Variants in ADGRG6 observed in about 807,000 individuals in gnomAD.
ADGRG6 encodes adhesion G protein-coupled receptor G6.
In ADGRG6, 84 loss-of-function variants were observed where a neutral mutation model predicts 142.4. That is an observed-to-expected ratio of 0.59 (90% confidence interval 0.49 to 0.71). ADGRG6 has a LOEUF of 0.71. Among genes scored for constraint, ADGRG6 ranks in the 30% least tolerant of loss-of-function variants. The probability of loss-of-function intolerance (pLI) is 0.00; values close to 1 mark genes in which losing one functional copy is unlikely to be tolerated. For missense variants in ADGRG6, 1,367 were observed against 1,466.6 expected, an observed-to-expected ratio of 0.93 and a Z score of 1.11; for synonymous variants, 521 against 520.5, an observed-to-expected ratio of 1.00 and a Z score of -0.01.
At chr6:142,306,324 A>G (rs926854029) in intron 1 of ADGRG6, among the ~76,000 whole-genome samples, 5 of 152,284 alleles carry the variant, frequency 3.3e-5, no homozygotes, top group African/African-American at 1.2e-4. Flanking sequence ...AATTCTGTAG[A>G]AGGGTTACAT....
intron 1 of ADGRG6, among the ~76,000 whole-genome samples, chr6:142,304,577 A>G (rs1777392253): frequency 6.6e-6 from 1 of 152,212 alleles, no homozygotes; most frequent in Non-Finnish European, 1.5e-5. Context: ...GTCTGGAAAT[A>G]ATGATTTGAA....
intron 11 of ADGRG6, 116 bp from the exon 12 acceptor site, chr6:142,401,878 A>G: frequency 1.8e-6 from 1 of 562,578 alleles, no homozygotes. Flanking sequence ...TCTTAAAGGG[A>G]AGCTTGTCCA....
At chr6:142,354,263 C>G (rs987798130) in intron 2 of ADGRG6, among the ~76,000 whole-genome samples, 1 of 152,136 alleles carries the variant, frequency 6.6e-6, no homozygotes, top group Non-Finnish European at 1.5e-5. Context: ...CCTGTAATCC[C>G]GGCTACTCAG....
intron 4 of ADGRG6, among the ~76,000 whole-genome samples, chr6:142,381,194 C>T (rs1781753871): frequency 6.6e-6 from 1 of 152,154 alleles, no homozygotes; most frequent in South Asian, 2.1e-4. Flanking sequence ...TAGAATAAAA[C>T]CACTATTATA....
chr6:142,346,703 G>T (rs1020600845), intron 2 of ADGRG6, among the ~76,000 whole-genome samples: 2 of 152,064 alleles, frequency 1.3e-5, no homozygotes, highest in Non-Finnish European at 2.9e-5. Flanking sequence ...TCATAAAAAA[G>T]AACGAGTTCA....
At position 142,403,858 on chromosome 6, in the gene ADGRG6, A is replaced by T. The variant is rs1378237396; in HGVS notation, c.2012A>T (p.His671Leu). ...AAGATAGACCTAAATAGCACATCAC[A>T]TGTGAATATTACAACTCGGAACTTG... Reference protein sequence around the residue: ...AFKIDLNSTSHVNITTRNLAL... With the variant: ...AFKIDLNSTSLVNITTRNLAL... Residue 671 changes from histidine (H) to leucine (L), a missense_variant, in exon 14 of 25, where the codon CAT becomes CTT. Around this residue, in one of 3 missense-constraint regions of ADGRG6, gnomAD observed 286 missense variants for 371.4 expected, o/e 0.77. Coordinates refer to ENST00000367609, the MANE Select transcript of ADGRG6 (RefSeq NM_198569.3). 6.2e-7 allele frequency: 1 copy of T among 1,609,892 alleles called. No homozygotes were observed.
At chr6:142,408,566 A>G (rs1190551024) in intron 16 of ADGRG6, among the ~76,000 whole-genome samples, 1 of 152,204 alleles carries the variant, frequency 6.6e-6, no homozygotes, top group East Asian at 1.9e-4. Context: ...ATGCAGATGT[A>G]GTTGCACAAT....
At chr6:142,405,554 T>C (rs1583103737) in intron 14 of ADGRG6, 134 bp from the exon 15 acceptor site, 1 of 717,154 alleles carries the variant, frequency 1.4e-6, no homozygotes, top group Non-Finnish European at 2.5e-6. Context: ...GTGACTACTG[T>C]AGATACAAAG....
chr6:142,308,837 T>G (rs1343618448), intron 1 of ADGRG6, among the ~76,000 whole-genome samples: 1 of 151,896 alleles, frequency 6.6e-6, no homozygotes, highest in Non-Finnish European at 1.5e-5. Flanking sequence ...TGTTGCTTTC[T>G]AAATCATTAT....
In ADGRG6 at chr6:142,415,886, G is replaced by T; in HGVS notation, c.2760G>T (p.Trp920Cys). Residue 920 changes from tryptophan (W) to cysteine (C), a missense_variant, in exon 20 of 25, where the codon TGG (tryptophan) becomes TGT (cysteine). Trp to Cys is a radical substitution (Grantham distance 215). Transcript: ENST00000367609. ...FLNLLFLLDGWITSFNVDGLC... is the reference protein window; with the variant it reads ...FLNLLFLLDGCITSFNVDGLC... The stretch of plus-strand genomic sequence containing the variant: ...ATCTCCTCTTCCTCCTAGATGGCTG[G>T]ATCACCTCCTTCAATGTGGATGGAC... 1 of 1,613,284 alleles carries T rather than the reference G, an allele frequency of 6.2e-7. No homozygotes were observed. The highest frequency in any genetic ancestry group is 8.5e-7 in the Non-Finnish European group (1 of 1,179,398).
chr6:142,391,323 A>C (rs1774885255), intron 7 of ADGRG6, among the ~76,000 whole-genome samples: 1 of 151,288 alleles, frequency 6.6e-6, no homozygotes, highest in Non-Finnish European at 1.5e-5. Context: ...TTTTTAATTG[A>C]GTCACTATAC....
chr6:142,424,149 G>A (rs1185594328), intron 22 of ADGRG6, among the ~76,000 whole-genome samples: 14 of 120,284 alleles, frequency 1.2e-4, no homozygotes, highest in Admixed American at 1.0e-3. Context: ...TTTCCTAATT[G>A]AATACCCTTT....
chr6:142,350,246 A>G (rs891687828), intron 2 of ADGRG6, among the ~76,000 whole-genome samples: 2 of 152,238 alleles, frequency 1.3e-5, no homozygotes, highest in African/African-American at 4.8e-5. Context: ...CAGTACAAGC[A>G]TAGAGATATT....
At chr6:142,335,346 GA>G (rs1400774297) in intron 2 of ADGRG6, among the ~76,000 whole-genome samples, 1 of 152,102 alleles carries the variant, frequency 6.6e-6, no homozygotes, top group Non-Finnish European at 1.5e-5. Flanking sequence ...TTTTAAAAAG[GA>G]GGATTGGAAG....
At chr6:142,364,736 G>A (rs923362063) in intron 2 of ADGRG6, among the ~76,000 whole-genome samples, 7 of 152,202 alleles carry the variant, frequency 4.6e-5, no homozygotes, top group East Asian at 1.9e-4. Context: ...GTGGGTAGGC[G>A]TGGTGGCTCA....
intron 15 of ADGRG6, among the ~76,000 whole-genome samples, chr6:142,406,235 T>C (rs1775801957): frequency 6.6e-6 from 1 of 151,160 alleles, no homozygotes; most frequent in African/African-American, 2.4e-5. Flanking sequence ...GTTTACATAA[T>C]GAGCAGCATT....
chr6:142,394,309 A>G (rs983621052), intron 9 of ADGRG6, among the ~76,000 whole-genome samples: 3 of 152,148 alleles, frequency 2.0e-5, no homozygotes, highest in Admixed American at 6.5e-5. Context: ...ATATATGATA[A>G]CATCTAATAA....
chr6:142,405,862 T>A, intron 15 of ADGRG6, 34 bp downstream of exon 15: 1 of 1,485,206 alleles, frequency 6.7e-7, no homozygotes, highest in Non-Finnish European at 9.1e-7. Context: ...GTTTTTCAAC[T>A]GCAAATGAAG....
At chr6:142,405,408 T>C (rs1190808814) in intron 14 of ADGRG6, 1 of 524,506 alleles carries the variant, frequency 1.9e-6, no homozygotes, top group East Asian at 4.9e-5. Flanking sequence ...CTAATTCTTA[T>C]ACTTGAAAAT....
Sources: allele counts gnomAD v4.1 joint callset (sites outside exome capture counted in the v4.1 genomes callset), GRCh38; gene constraint gnomAD v4.1.1; regional missense constraint gnomAD v4.1.1; transcripts MANE v1.5; gene names NCBI Gene and HGNC (gene_info 2026-07-23, HGNC 2026-07-21).